SEMA6A: variants seen among roughly 807,000 people sequenced by gnomAD.
SEMA6A encodes the protein semaphorin-6A.
Under a neutral mutation model 96.8 loss-of-function variants are expected in SEMA6A, and 25 were observed. The observed-to-expected ratio is 0.26, with a 90% CI of 0.19 to 0.36. The LOEUF (loss-of-function observed/expected upper bound fraction) is 0.36. SEMA6A is among the 10% of genes least tolerant of loss of function. The pLI is 1.00. For synonymous variants in SEMA6A, 612 were observed against 518.0 expected (o/e 1.18, Z -2.46); for missense variants, 1,363 against 1,323.1 (o/e 1.03, Z -0.47).
At chr5:116,475,890 C>T (rs1756420796) in intron 15 of SEMA6A, among the ~76,000 whole-genome samples, 1 of 152,174 alleles carries the variant, frequency 6.6e-6, no homozygotes, top group East Asian at 1.9e-4. Context: ...ATTCTCTGAG[C>T]ATTTCTTAAA....
At chr5:116,460,451 A>G (rs1225045886) in intron 18 of SEMA6A, among the ~76,000 whole-genome samples, 1 of 152,224 alleles carries the variant, frequency 6.6e-6, no homozygotes, top group African/African-American at 2.4e-5. Context: ...ATTAGATCTT[A>G]TATATTCACT....
chr5:116,449,029 T>C (rs1754459159), intron 18 of SEMA6A, among the ~76,000 whole-genome samples: 1 of 152,240 alleles, frequency 6.6e-6, no homozygotes, highest in Non-Finnish European at 1.5e-5. Flanking sequence ...GATTCAGTGT[T>C]TCTGAAGGAA....
At position 116,475,660 on chromosome 5, in the gene SEMA6A, A is replaced by G. The variant is rs377096759; in HGVS notation, c.1650-57T>C. Reference sequence around the variant, plus strand: ...AATGAATACAATAACGTGAGTCTTCAGAAATGAGTCAAGCTTCACTAAAGA... The same window carrying G: ...AATGAATACAATAACGTGAGTCTTCGGAAATGAGTCAAGCTTCACTAAAGA... On this transcript the variant is annotated intron_variant, in intron 15 of 18. Coordinates refer to ENST00000343348, the MANE Select transcript of SEMA6A (RefSeq NM_020796.5). 12 of 1,309,656 alleles carry G rather than the reference A, an allele frequency of 9.2e-6. No individual in the cohort carries two copies. The African/African-American group carries it at 1.8e-4, about 19-fold the overall frequency. The allele number at this position is 1,309,656 out of a possible 1,614,324, so 81.1% of individuals were successfully genotyped here. A position where few individuals can be genotyped will look rare whatever the true frequency, so the allele number is the denominator to read the frequency against.
intron 1 of SEMA6A, among the ~76,000 whole-genome samples, chr5:116,547,028 A>AT (rs1252425484): frequency 6.6e-6 from 1 of 151,812 alleles, no homozygotes; most frequent in African/African-American, 2.4e-5. Flanking sequence ...TTCCAACCCT[A>AT]TTTTTTTTCC....
At position 116,446,899 on chromosome 5, in the gene SEMA6A, C is replaced by G. The variant is rs1404665618; in HGVS notation, c.2807G>C (p.Arg936Thr). The G allele has an allele frequency of 6.2e-7, 1 of 1,613,934 alleles. No individual in the cohort carries two copies. Among genetic ancestry groups the G allele is most frequent in the Non-Finnish European group, 8.5e-7 (1 of 1,179,882 alleles). Reference sequence around the variant, plus strand: ...GGAATTGGAGGAGTTAGTGTTGTTTCTTTTGAGAGTGGTGGCCTGGTGGCT... The same window carrying G: ...GGAATTGGAGGAGTTAGTGTTGTTTGTTTTGAGAGTGGTGGCCTGGTGGCT... Reference protein sequence around the residue: ...TRSHQATTLKRNNTNSSNSSH... With the variant: ...TRSHQATTLKTNNTNSSNSSH... Residue 936 changes from arginine (R) to threonine (T), a missense_variant, in exon 19 of 19, where the codon AGA becomes ACA. Physicochemically the swap from Arg to Thr is moderately conservative, Grantham distance 71 (BLOSUM62 -1). Coordinates refer to ENST00000343348, the MANE Select transcript of SEMA6A (RefSeq NM_020796.5).
chr5:116,489,420 C>G (rs1441893549), intron 7 of SEMA6A, among the ~76,000 whole-genome samples: 1 of 151,998 alleles, frequency 6.6e-6, no homozygotes, highest in Non-Finnish European at 1.5e-5. Flanking sequence ...GATTGTGTCC[C>G]CAGAAATTTT....
chr5:116,556,882 A>T (rs1760630025), intron 1 of SEMA6A, among the ~76,000 whole-genome samples: 1 of 152,224 alleles, frequency 6.6e-6, no homozygotes, highest in African/African-American at 2.4e-5. Context: ...TTACCTTCAT[A>T]ATCCACTGAG....
intron 1 of SEMA6A, among the ~76,000 whole-genome samples, chr5:116,567,607 A>G (rs540264688): frequency 6.6e-6 from 1 of 152,350 alleles, no homozygotes; most frequent in East Asian, 1.9e-4. Flanking sequence ...TGAAAACTGA[A>G]GGAGAAAGGA....
chr5:116,566,744 T>C (rs1244780636), intron 1 of SEMA6A, among the ~76,000 whole-genome samples: 3 of 152,228 alleles, frequency 2.0e-5, no homozygotes, highest in Non-Finnish European at 4.4e-5. Flanking sequence ...TTTGTAGTAG[T>C]GTGTCTGTCA....
intron 1 of SEMA6A, among the ~76,000 whole-genome samples, chr5:116,567,777 T>C (rs1761073227): frequency 6.6e-6 from 1 of 152,210 alleles, no homozygotes; most frequent in Non-Finnish European, 1.5e-5. Context: ...ATCTAACGAA[T>C]TCGGCCTTGT....
chr5:116,447,760 G>A lies in SEMA6A; in HGVS notation c.1946C>T (p.Thr649Ile), dbSNP rs768614031. 1.4e-5 allele frequency: 23 copies of A among 1,611,460 alleles called. No individual in the cohort carries two copies. The highest frequency in any genetic ancestry group is 2.0e-5 in the Non-Finnish European group (23 of 1,177,832). ...CAGGATGACTGCAATGGCCAAGAGG[G>A]TGACGGGAACCAGCTGGTCGTGGCC... ...LKGHDQLVPV[T>I]LLAIAVILAF... The change falls in exon 19 of 19, where the codon ACC becomes ATC. Residue 649 changes from threonine (T) to isoleucine (I), a missense_variant. Physicochemically the swap from Thr to Ile is moderately conservative, Grantham distance 89. Around this residue, in one of 2 missense-constraint regions of SEMA6A, gnomAD observed 883 missense variants for 763.6 expected, o/e 1.16. Transcript: ENST00000343348.
chr5:116,559,017 A>C (rs1760708884), intron 1 of SEMA6A, among the ~76,000 whole-genome samples: 1 of 152,198 alleles, frequency 6.6e-6, no homozygotes, highest in African/African-American at 2.4e-5. Context: ...CCCGATTTTT[A>C]CATGAACAGA....
intron 18 of SEMA6A, among the ~76,000 whole-genome samples, chr5:116,448,432 T>G (rs2112577314): frequency 6.6e-6 from 1 of 152,322 alleles, no homozygotes; most frequent in Non-Finnish European, 1.5e-5. Context: ...TGGGAGGTTT[T>G]GGCTTTCAAA....
chr5:116,446,975 A>T lies in SEMA6A; in HGVS notation c.2731T>A (p.Ser911Thr). ...SKRLEMHHSS[S>T]YGVDYKRSYP... ...CTCCTCTTATAGTCAACCCCGTAGG[A>T]AGAGGAGTGGTGCATTTCCAGCCGC... Residue 911 changes from serine to threonine, a missense_variant, in exon 19 of 19, where the codon TCC becomes ACC. Around this residue, in one of 2 missense-constraint regions of SEMA6A, gnomAD observed 883 missense variants for 763.6 expected, o/e 1.16. Coordinates refer to ENST00000343348, the MANE Select transcript of SEMA6A (RefSeq NM_020796.5). 1.9e-6 allele frequency: 3 copies of T among 1,613,702 alleles called. No individual in the cohort carries two copies. Among genetic ancestry groups the T allele is most frequent in the Non-Finnish European group, 2.5e-6 (3 of 1,179,822 alleles).
Position 116,446,763 on chromosome 5 carries a change from C to T in SEMA6A, c.2943G>A (p.Val981=). 6.2e-7 allele frequency: 1 copy of T among 1,610,214 alleles called. No individual in the cohort carries two copies. Among genetic ancestry groups the T allele is most frequent in the Non-Finnish European group, 8.5e-7 (1 of 1,178,126 alleles). The change falls in exon 19 of 19, where the codon GTG becomes GTA. Residue 981 remains valine (V), a synonymous_variant. Transcript: ENST00000343348. ...VHSSQPSGQA[V]TVSRQPSLNA... Reference sequence around the variant, plus strand: ...TGAGGCTGGGCTGCCTCGAGACAGTCACGGCCTGGCCAGATGGCTGGGAGC... The same window carrying T: ...TGAGGCTGGGCTGCCTCGAGACAGTTACGGCCTGGCCAGATGGCTGGGAGC...
chr5:116,535,519 C>T (rs1371721013), intron 1 of SEMA6A, among the ~76,000 whole-genome samples: 1 of 152,158 alleles, frequency 6.6e-6, no homozygotes, highest in Non-Finnish European at 1.5e-5. Context: ...AAACTGTGAT[C>T]AAGGTAATAC....
rs757113838 is a variant in SEMA6A, at chr5:116,529,947, A to G, written c.-38-24965T>C. ...ATATACCAAGCCTCAATGACACACA[A>G]TTTACCCATGTAACAAGCCTGCATG... On this transcript the variant is annotated intron_variant, in intron 1 of 18. Transcript: ENST00000343348. 2.6e-5 allele frequency among the ~76,000 whole-genome samples: 4 copies of G among 152,122 alleles called. No individual in the cohort carries two copies. In the East Asian group the frequency reaches 7.7e-4, roughly 29 times the overall value.
chr5:116,483,224 A>G (rs890497228), intron 10 of SEMA6A, among the ~76,000 whole-genome samples: 1 of 152,214 alleles, frequency 6.6e-6, no homozygotes, highest in Non-Finnish European at 1.5e-5. Context: ...AGCTCCACCT[A>G]TAATTATATC....
intron 7 of SEMA6A, 60 bp from the exon 8 acceptor site, chr5:116,489,067 T>C (rs1290384513): frequency 6.7e-7 from 1 of 1,486,932 alleles, no homozygotes; most frequent in East Asian, 2.5e-5. Flanking sequence ...GGTGGAGGAA[T>C]AATAAAGACA....
Sources: gnomAD v4.1 joint callset for allele counts (sites outside exome capture counted in the v4.1 genomes callset) on GRCh38, gnomAD v4.1.1 for gene constraint, gnomAD v4.1.1 regional missense constraint, MANE v1.5 for transcripts, NCBI Gene and HGNC (gene_info 2026-07-23, HGNC 2026-07-21) for gene names.